The following UIMC1 variants were observed in gnomAD, a reference collection of about 807,000 sequenced individuals.
The protein encoded by UIMC1 is ubiquitin interaction motif containing 1, also known as BRCA1-A complex subunit RAP80.
Under a neutral mutation model 84.9 loss-of-function variants are expected in UIMC1, and 42 were observed. That is an observed-to-expected ratio of 0.49 (90% CI 0.39 to 0.64). UIMC1 has a LOEUF of 0.64. UIMC1 is among the 30% of genes least tolerant of loss of function. The probability of loss-of-function intolerance (pLI) is 0.00; values close to 1 mark genes in which losing one functional copy is unlikely to be tolerated. For synonymous variants in UIMC1, 281 were observed against 293.0 expected, an observed-to-expected ratio of 0.96 and a Z score of 0.42; for missense variants, 825 against 847.6, an observed-to-expected ratio of 0.97 and a Z score of 0.33.
intron 10 of UIMC1, among the ~76,000 whole-genome samples, chr5:176,928,638 A>C (rs1353804419): frequency 6.6e-6 from 1 of 152,212 alleles, no homozygotes; most frequent in African/African-American, 2.4e-5. Flanking sequence ...AGAGTTGAAC[A>C]AACCAGATAT....
Position 176,960,622 on chromosome 5 carries a change from CCTCCCCCTCCGT to C in UIMC1, c.1201-2480_1201-2469del, listed in dbSNP as rs1220658667. Among the ~76,000 whole-genome samples, 8 of 12,576 alleles carry C rather than the reference CCTCCCCCTCCGT, an allele frequency of 6.4e-4. 2 individuals are homozygous for C. In the South Asian group the frequency reaches 0.012, roughly 19 times the overall value. 8.3% of individuals were successfully genotyped at this position (12,576 alleles called of 152,430 possible). On this transcript the variant is annotated intron_variant, in intron 6 of 14. Transcript: ENST00000511320. The stretch of plus-strand genomic sequence containing the variant: ...AGCCCTCTCTCCCTCTCCCCCTCCC[CCTCCCCCTCCGT>C]CTCCGTCTCCGTCTCCGTCTCCGTC...
chr5:176,969,526 A>G, intron 5 of UIMC1, 75 bp downstream of exon 5: 1 of 1,475,860 alleles, frequency 6.8e-7, no homozygotes, highest in South Asian at 1.2e-5. Flanking sequence ...ATTTCCGTGT[A>G]TCTACTCTCA....
chr5:176,905,526 A>G, intron 14 of UIMC1, 34 bp from the exon 15 acceptor site: 1 of 1,594,494 alleles, frequency 6.3e-7, no homozygotes, highest in Non-Finnish European at 8.6e-7. Context: ...GATTCAATAT[A>G]CACCTACTAA....
chr5:176,906,982 G>T, intron 13 of UIMC1, 132 bp downstream of exon 13: 1 of 818,296 alleles, frequency 1.2e-6, no homozygotes, highest in East Asian at 2.7e-5. Context: ...CCTAGATTGA[G>T]TCTCAAAGGC....
At chr5:176,942,064 C>G (rs543544417) in intron 10 of UIMC1, among the ~76,000 whole-genome samples, 1 of 152,120 alleles carries the variant, frequency 6.6e-6, no homozygotes, top group Non-Finnish European at 1.5e-5. Flanking sequence ...AGGCTGGTCT[C>G]GAACTCCTGA....
chr5:177,020,169 G>A (rs970297860), intron 1 of UIMC1, among the ~76,000 whole-genome samples: 2 of 152,168 alleles, frequency 1.3e-5, no homozygotes, highest in African/African-American at 4.8e-5. Flanking sequence ...CTTGTTCACT[G>A]GGCTCCAGCC....
At chr5:176,907,999 A>G (rs1759617709) in intron 12 of UIMC1, among the ~76,000 whole-genome samples, 1 of 152,252 alleles carries the variant, frequency 6.6e-6, no homozygotes, top group African/African-American at 2.4e-5. Flanking sequence ...TGATATAAAC[A>G]TTAATAGTAA....
intron 1 of UIMC1, among the ~76,000 whole-genome samples, chr5:176,987,594 T>C (rs776069389): frequency 1.3e-5 from 2 of 152,032 alleles, no homozygotes; most frequent in Admixed American, 6.6e-5. Context: ...GAGGTTGCAG[T>C]GAGCCAAGAC....
At chr5:176,912,627 C>CA (rs1392704466) in intron 10 of UIMC1, among the ~76,000 whole-genome samples, 1 of 151,684 alleles carries the variant, frequency 6.6e-6, no homozygotes, top group African/African-American at 2.4e-5. Context: ...TATGTCCCAC[C>CA]ATGCCTGGCT....
chr5:176,934,436 T>C (rs1763479552), intron 10 of UIMC1, among the ~76,000 whole-genome samples: 1 of 152,100 alleles, frequency 6.6e-6, no homozygotes, highest in Non-Finnish European at 1.5e-5. Flanking sequence ...CAAACATACA[T>C]GAGAAGCCTA....
At position 176,978,336 on chromosome 5, in the gene UIMC1, G is replaced by A. The variant is rs186187067; in HGVS notation, c.148-2856C>T. On this transcript the variant is annotated intron_variant, in intron 2 of 14. Coordinates refer to ENST00000511320, the MANE Select transcript of UIMC1 (RefSeq NM_001199298.2). ...TGCAGTGAGCAGAGATGGCGCCACC[G>A]CACTCCAGCCTGGGCGACAGAGCGA... 9.1e-3 allele frequency among the ~76,000 whole-genome samples: 1,382 copies of A among 152,084 alleles called. 8 individuals carry two copies. The highest frequency in any genetic ancestry group is 0.025 in the South Asian group (121 of 4,822).
intron 1 of UIMC1, among the ~76,000 whole-genome samples, chr5:177,004,841 G>A (rs1775036575): frequency 6.6e-6 from 1 of 152,130 alleles, no homozygotes; most frequent in Admixed American, 6.6e-5. Context: ...AAAGCTTGGG[G>A]GCACAGGGAC....
chr5:176,999,851 A>G (rs1774190378), intron 1 of UIMC1, among the ~76,000 whole-genome samples: 2 of 152,206 alleles, frequency 1.3e-5, no homozygotes, highest in South Asian at 4.1e-4. Flanking sequence ...AAATAGTGCT[A>G]CAACAAACCT....
At chr5:176,990,427 G>GT (rs1309551871) in intron 1 of UIMC1, among the ~76,000 whole-genome samples, 1 of 152,006 alleles carries the variant, frequency 6.6e-6, no homozygotes, top group Non-Finnish European at 1.5e-5. Flanking sequence ...AAATTGTATT[G>GT]TTTATAAATT....
chr5:176,926,162 T>C (rs1762365642), intron 10 of UIMC1, among the ~76,000 whole-genome samples: 1 of 152,164 alleles, frequency 6.6e-6, no homozygotes. Context: ...GAGATATGAC[T>C]AGATGCAACG....
At chr5:177,002,549 C>A (rs1774680724) in intron 1 of UIMC1, among the ~76,000 whole-genome samples, 1 of 152,142 alleles carries the variant, frequency 6.6e-6, no homozygotes, top group Non-Finnish European at 1.5e-5. Context: ...CGCCTGTAAT[C>A]CCAGCACTTT....
At chr5:176,940,040 T>C (rs962501280) in intron 10 of UIMC1, among the ~76,000 whole-genome samples, 3 of 152,178 alleles carry the variant, frequency 2.0e-5, no homozygotes, top group African/African-American at 7.2e-5. Flanking sequence ...TGAAATGTCC[T>C]CCCTGAATGG....
At chr5:176,941,453 A>G (rs1190897081) in intron 10 of UIMC1, among the ~76,000 whole-genome samples, 3 of 152,256 alleles carry the variant, frequency 2.0e-5, no homozygotes, top group Non-Finnish European at 4.4e-5. Flanking sequence ...GTACTACTTT[A>G]TAATCAGAAA....
At position 176,930,242 on chromosome 5, in the gene UIMC1, C is replaced by A. The variant is rs1332581806; in HGVS notation, c.1597+13093G>T. On this transcript the variant is annotated intron_variant, in intron 10 of 14. Coordinates refer to ENST00000511320, the MANE Select transcript of UIMC1 (RefSeq NM_001199298.2). ...GCCTTTATTCTCAAAATTATATTAC[C>A]TTTATCTTCTTTTTATACAAACACA... 4.6e-5 allele frequency among the ~76,000 whole-genome samples: 7 copies of A among 152,228 alleles called. No homozygotes were observed. In the South Asian group the frequency reaches 1.2e-3, roughly 27 times the overall value.
Sources: gnomAD v4.1 joint callset for allele counts (sites outside exome capture counted in the v4.1 genomes callset) on GRCh38, gnomAD v4.1.1 for gene constraint, MANE v1.5 for transcripts, NCBI Gene and HGNC (gene_info 2026-07-23, HGNC 2026-07-21) for gene names.